CDH18: variants seen among roughly 807,000 people sequenced by gnomAD.
CDH18 encodes the protein cadherin-18.
A neutral mutation model predicts 67.9 loss-of-function variants in CDH18; 31 were observed. That is an observed-to-expected ratio of 0.46 (90% CI 0.34 to 0.62). The LOEUF (loss-of-function observed/expected upper bound fraction) is 0.62. Among genes scored for constraint, CDH18 ranks in the 20% least tolerant of loss-of-function variants. CDH18 has a pLI of 0.01. For synonymous variants in CDH18, 362 were observed against 347.2 expected, an observed-to-expected ratio of 1.04 and a Z score of -0.48; for missense variants, 890 against 975.5, an observed-to-expected ratio of 0.91 and a Z score of 1.17.
intron 1 of CDH18, among the ~76,000 whole-genome samples, chr5:20,549,508 G>A (rs1757520985): frequency 6.6e-6 from 1 of 152,078 alleles, no homozygotes; most frequent in Non-Finnish European, 1.5e-5. Context: ...AGGTTATAGA[G>A]GAAAGCACGG....
chr5:20,095,341 AAGAAAGAAAGAAAGAAAGAAAAG>A (rs1745814499), intron 2 of CDH18, among the ~76,000 whole-genome samples: 1 of 140,164 alleles, frequency 7.1e-6, no homozygotes, highest in Non-Finnish European at 1.6e-5. Flanking sequence ...GAAAGAAAGA[AAGAAAGAAAGAAAGAAAGAAAAG>A]ACAGAAGAAA....
intron 11 of CDH18, among the ~76,000 whole-genome samples, chr5:19,490,394 G>GGTTTTTTTTTTTTTT (rs1741223437): frequency 3.3e-5 from 2 of 60,210 alleles, no homozygotes; most frequent in African/African-American, 1.3e-4. Flanking sequence ...ATAAAAATCT[G>GGTTTTTTTTTTTTTT]TTTTTTTTTT....
chr5:20,019,561 T>G (rs186953044), intron 2 of CDH18, among the ~76,000 whole-genome samples: 3 of 152,278 alleles, frequency 2.0e-5, no homozygotes, highest in African/African-American at 7.2e-5. Context: ...TATCTTTTCC[T>G]TCACTCTCTC....
At chr5:20,060,949 GA>G (rs959686269) in intron 2 of CDH18, among the ~76,000 whole-genome samples, 7 of 145,746 alleles carry the variant, frequency 4.8e-5, no homozygotes, top group African/African-American at 1.3e-4. Context: ...CATGATGCAA[GA>G]AAAAAAAAAG....
At chr5:19,541,120 G>A (rs770650667) in intron 9 of CDH18, among the ~76,000 whole-genome samples, 2 of 152,080 alleles carry the variant, frequency 1.3e-5, no homozygotes, top group Admixed American at 1.3e-4. Context: ...TAGGGCAGGG[G>A]CAAAAAGCTG....
At chr5:20,152,174 C>A (rs1349280090) in intron 2 of CDH18, among the ~76,000 whole-genome samples, 4 of 131,990 alleles carry the variant, frequency 3.0e-5, no homozygotes, top group Non-Finnish European at 3.2e-5. Flanking sequence ...ATATAAAATA[C>A]ATATAATTAT....
chr5:19,677,647 T>C (rs1759684288), intron 5 of CDH18, among the ~76,000 whole-genome samples: 1 of 151,678 alleles, frequency 6.6e-6, no homozygotes, highest in African/African-American at 2.4e-5. Flanking sequence ...GTCCAAAGTG[T>C]ATCCTGTCTT....
intron 5 of CDH18, among the ~76,000 whole-genome samples, chr5:19,682,860 T>C (rs1010114090): frequency 6.6e-6 from 1 of 152,106 alleles, no homozygotes; most frequent in African/African-American, 2.4e-5. Context: ...ACTAAATTGA[T>C]AAATGAAAGG....
chr5:19,592,989 C>A (rs1023199215), intron 6 of CDH18, among the ~76,000 whole-genome samples: 2 of 151,872 alleles, frequency 1.3e-5, no homozygotes, highest in African/African-American at 4.8e-5. Context: ...CATGTTGTTG[C>A]GTATTGCAAG....
At chr5:19,617,015 C>T (rs906882583) in intron 5 of CDH18, among the ~76,000 whole-genome samples, 1 of 152,100 alleles carries the variant, frequency 6.6e-6, no homozygotes, top group Admixed American at 6.5e-5. Context: ...TCTCCAAATA[C>T]CATCATATTT....
rs546359010 is a variant in CDH18 at position 20,018,888 on chromosome 5, G to A, written c.-517-26874C>T. 5.2e-4 allele frequency among the ~76,000 whole-genome samples: 74 copies of A among 142,294 alleles called. 1 individual carries two copies. Among genetic ancestry groups the A allele is most frequent in the Non-Finnish European group, 8.8e-4 (59 of 66,980 alleles). 93.4% of individuals were successfully genotyped at this position (142,294 alleles called of 152,430 possible). A position where few individuals can be genotyped will look rare whatever the true frequency, so the allele number is the denominator to read the frequency against. Reference sequence around the variant, plus strand: ...CGACTCACTGCAAGCTCCGCCTCCCGGGTTCACGCCATTCTCCTGCCTCAG... The same window carrying A: ...CGACTCACTGCAAGCTCCGCCTCCCAGGTTCACGCCATTCTCCTGCCTCAG... On this transcript the variant is annotated intron_variant, in intron 2 of 14. Coordinates refer to the CDH18 transcript ENST00000507958.
intron 10 of CDH18, among the ~76,000 whole-genome samples, chr5:19,506,784 C>A (rs1411716198): frequency 6.6e-6 from 1 of 152,100 alleles, no homozygotes; most frequent in Non-Finnish European, 1.5e-5. Context: ...AATGTTTGAC[C>A]TAAAACCATA....
intron 6 of CDH18, among the ~76,000 whole-genome samples, chr5:19,609,729 A>G (rs189492): frequency 0.73 from 110,499 of 151,770 alleles, 40,594 homozygotes; most frequent in South Asian, 0.8. Context: ...ATTGTAAGAA[A>G]TATAACTGTC....
chr5:20,367,293 T>C (rs2150079512), intron 1 of CDH18, among the ~76,000 whole-genome samples: 1 of 152,186 alleles, frequency 6.6e-6, no homozygotes, highest in African/African-American at 2.4e-5. Context: ...TTTAACACAA[T>C]CAATCTTGGC....
At chr5:20,078,209 C>G (rs10063226) in intron 2 of CDH18, among the ~76,000 whole-genome samples, 114,298 of 152,066 alleles carry the variant, frequency 0.75, 46,101 homozygotes, top group Non-Finnish European at 0.9. Flanking sequence ...CGCCTGTAAT[C>G]CCAGCACTTT....
chr5:20,163,132 A>C (rs1736018834), intron 2 of CDH18, among the ~76,000 whole-genome samples: 1 of 152,038 alleles, frequency 6.6e-6, no homozygotes, highest in African/African-American at 2.4e-5. Context: ...CATTATAAAT[A>C]TTTCCTCACA....
At chr5:19,538,706 C>A (rs1190999931) in intron 9 of CDH18, among the ~76,000 whole-genome samples, 2 of 151,808 alleles carry the variant, frequency 1.3e-5, no homozygotes, top group Admixed American at 1.3e-4. Context: ...CTTGTATGAC[C>A]CTGAAACAAG....
intron 1 of CDH18, among the ~76,000 whole-genome samples, chr5:20,572,231 A>AG (rs1758859342): frequency 2.6e-5 from 4 of 151,428 alleles, no homozygotes; most frequent in Admixed American, 2.0e-4. Context: ...AAAGAAAAAA[A>AG]AAAGGTAATA....
intron 2 of CDH18, among the ~76,000 whole-genome samples, chr5:20,173,560 C>G (rs538690145): frequency 6.6e-6 from 1 of 152,154 alleles, no homozygotes; most frequent in African/African-American, 2.4e-5. Context: ...AGAAAACTAG[C>G]CATAGAAATG....
Sources: gnomAD v4.1 joint callset for allele counts (sites outside exome capture counted in the v4.1 genomes callset) on GRCh38, gnomAD v4.1.1 for gene constraint, MANE v1.5 for transcripts, NCBI Gene and HGNC (gene_info 2026-07-23, HGNC 2026-07-21) for gene names.